AACS: variants seen among roughly 807,000 people sequenced by gnomAD.
The protein encoded by AACS is acetoacetate-CoA ligase.
A neutral mutation model predicts 83.1 loss-of-function variants in AACS; 69 were observed. The ratio of observed to expected loss-of-function variants is 0.83; its 90% CI spans 0.68 to 1.01. The LOEUF (loss-of-function observed/expected upper bound fraction) is 1.01. AACS is among the 50% of genes least tolerant of loss of function. AACS has a pLI of 0.00. For missense variants in AACS, 866 were observed against 882.2 expected, an observed-to-expected ratio of 0.98 and a Z score of 0.23; for synonymous variants, 333 against 343.4, an observed-to-expected ratio of 0.97 and a Z score of 0.33.
At chr12:125,069,948 G>A (rs1343246210) in intron 1 of AACS, among the ~76,000 whole-genome samples, 2 of 152,218 alleles carry the variant, frequency 1.3e-5, no homozygotes, top group South Asian at 2.1e-4. Context: ...GCTGACGGCT[G>A]TAACTTCAGA....
chr12:125,083,445 C>T (rs1205144034), intron 3 of AACS, among the ~76,000 whole-genome samples: 3 of 152,174 alleles, frequency 2.0e-5, no homozygotes, highest in African/African-American at 4.8e-5. Context: ...ATTGTGGAGG[C>T]CGGCTACACA....
intron 8 of AACS, among the ~76,000 whole-genome samples, chr12:125,107,691 TG>T (rs1405965360): frequency 2.0e-5 from 3 of 152,348 alleles, no homozygotes; most frequent in African/African-American, 7.2e-5. Flanking sequence ...CCAGACGCAA[TG>T]GCCCACACCT....
intron 17 of AACS, chr12:125,138,368 T>C (rs940712125): frequency 6.6e-6 from 1 of 152,240 alleles, no homozygotes; most frequent in African/African-American, 2.4e-5. Context: ...TTGGCGGCTC[T>C]CTGTGGGGAC....
Position 125,134,790 on chromosome 12 carries a change from C to T in AACS, c.1620-4C>T. ...TGTGGCCCTGACCTCTTCTCTCTTT[C>T]CAGTGACGGCACCCTCAACCCCAAC... On this transcript the variant is annotated splice_polypyrimidine_tract_variant and splice_region_variant and intron_variant, in intron 15 of 17. Coordinates refer to ENST00000316519, the MANE Select transcript of AACS (RefSeq NM_023928.5). 1.2e-6 allele frequency: 2 copies of T among 1,614,160 alleles called. No homozygotes were observed. The highest frequency in any genetic ancestry group is 1.7e-6 in the Non-Finnish European group (2 of 1,180,012).
chr12:125,118,493 C>A, intron 9 of AACS, 148 bp from the exon 10 acceptor site: 2 of 1,041,766 alleles, frequency 1.9e-6, no homozygotes, highest in Non-Finnish European at 1.4e-6. Context: ...AGTTGCCGGG[C>A]CAGAGTGTCC....
At position 125,124,727 on chromosome 12, in the gene AACS, G is replaced by A. The variant is rs752116179; in HGVS notation, c.1144G>A (p.Ala382Thr). Residue 382 changes from alanine (A) to threonine (T), a missense_variant, in exon 11 of 18, where the codon GCC (alanine) becomes ACC (threonine). Coordinates refer to ENST00000316519, the MANE Select transcript of AACS (RefSeq NM_023928.5). ...TAGCATCACTGTCCTGGTAACTGGGGCCAAGTGGCTGTCAGTGCTGGAAGA... is the reference window on the plus strand; with the variant it reads ...TAGCATCACTGTCCTGGTAACTGGGACCAAGTGGCTGTCAGTGCTGGAAGA... ...RIGITVLVTGAKWLSVLEEKA... is the reference protein window; with the variant it reads ...RIGITVLVTGTKWLSVLEEKA... The A allele has an allele frequency of 5.0e-6, 8 of 1,613,998 alleles. No homozygotes were observed. In the East Asian group the frequency reaches 1.8e-4, roughly 36 times the overall value.
intron 2 of AACS, among the ~76,000 whole-genome samples, chr12:125,076,109 C>A (rs1168456198): frequency 6.6e-6 from 1 of 152,186 alleles, no homozygotes; most frequent in Non-Finnish European, 1.5e-5. Flanking sequence ...CTGAAGCCCC[C>A]AAAAGTTGTA....
At chr12:125,127,896 A>T (rs981260410) in intron 12 of AACS, 2 of 305,936 alleles carry the variant, frequency 6.5e-6, no homozygotes, top group African/African-American at 2.2e-5. Context: ...CAGCATGACC[A>T]CAGGAGGTCA....
At chr12:125,068,844 T>C (rs1340148858) in intron 1 of AACS, among the ~76,000 whole-genome samples, 1 of 9,512 alleles carries the variant, frequency 1.1e-4, no homozygotes, top group East Asian at 4.9e-3. Context: ...GTGAGCATTC[T>C]TTTTTTTTTT....
intron 10 of AACS, chr12:125,122,207 G>A (rs75516614): frequency 6.6e-6 from 1 of 152,376 alleles, no homozygotes; most frequent in African/African-American, 2.4e-5. Flanking sequence ...GGGCTGATGC[G>A]GGGCTGGGGG....
intron 7 of AACS, among the ~76,000 whole-genome samples, chr12:125,104,509 G>A (rs1956790980): frequency 6.6e-6 from 1 of 152,252 alleles, no homozygotes; most frequent in African/African-American, 2.4e-5. Context: ...GAGTGGGAGG[G>A]ACAGGATGTG....
chr12:125,114,829 C>T (rs530403391), intron 9 of AACS, among the ~76,000 whole-genome samples: 2 of 150,434 alleles, frequency 1.3e-5, no homozygotes, highest in Middle Eastern at 3.5e-3. Context: ...AGGGCTTCCC[C>T]GGGCGCCGGC....
At chr12:125,112,089 G>A (rs983841691) in intron 8 of AACS, among the ~76,000 whole-genome samples, 2 of 152,212 alleles carry the variant, frequency 1.3e-5, no homozygotes, top group Non-Finnish European at 2.9e-5. Flanking sequence ...CCTAGAATCC[G>A]AGTTCCCTGT....
At chr12:125,085,121 A>C (rs1363208612) in intron 3 of AACS, among the ~76,000 whole-genome samples, 1 of 152,098 alleles carries the variant, frequency 6.6e-6, no homozygotes, top group Non-Finnish European at 1.5e-5. Flanking sequence ...GGGCAACAGG[A>C]GGGAAGGGTT....
rs1252793019 is a variant in AACS at position 125,117,413 on chromosome 12, CAAA to C, written c.997-1216_997-1214del. Among the ~76,000 whole-genome samples, 5 of 138,076 alleles carry C rather than the reference CAAA, an allele frequency of 3.6e-5. No homozygotes were observed. In the East Asian group the frequency reaches 6.4e-4, roughly 18 times the overall value. 90.6% of individuals were successfully genotyped at this position (138,076 alleles called of 152,430 possible). A position where few individuals can be genotyped will look rare whatever the true frequency, so the allele number is the denominator to read the frequency against. ...TAGGTGACACAGTGAGACTCCGTCTCAAAAAAAAAAAAAATGTTTCTCCATAGA... is the reference window on the plus strand; with the variant it reads ...TAGGTGACACAGTGAGACTCCGTCTCAAAAAAAAAAATGTTTCTCCATAGA... On this transcript the variant is annotated intron_variant, in intron 9 of 17. Transcript: ENST00000316519.
chr12:125,100,954 C>T (rs1040597921), intron 5 of AACS: 2 of 152,272 alleles, frequency 1.3e-5, no homozygotes, highest in African/African-American at 2.4e-5. Flanking sequence ...GCGGTGCTAC[C>T]AGGCAGCCAG....
rs1956006282 is a variant in AACS at position 125,075,725 on chromosome 12, C to T, written c.238-766C>T. Among the ~76,000 whole-genome samples the T allele has an allele frequency of 2.6e-5, 4 of 152,148 alleles. No homozygotes were observed. In the South Asian group the frequency reaches 8.3e-4, roughly 32 times the overall value. ...TCTCCTGCCTCAGCCTCCCCAGCAG[C>T]TGGGACTACAGGCGCACGCTGGCAT... On this transcript the variant is annotated intron_variant, in intron 2 of 17. Coordinates refer to ENST00000316519, the MANE Select transcript of AACS (RefSeq NM_023928.5).
intron 3 of AACS, among the ~76,000 whole-genome samples, chr12:125,085,579 A>T (rs940578285): frequency 6.6e-6 from 1 of 152,252 alleles, no homozygotes; most frequent in Admixed American, 6.5e-5. Context: ...TGCACGTCGC[A>T]TCCACGTCTG....
At chr12:125,093,441 TC>T (rs1956534052) in intron 5 of AACS, among the ~76,000 whole-genome samples, 1 of 152,112 alleles carries the variant, frequency 6.6e-6, no homozygotes, top group South Asian at 2.1e-4. Context: ...TGCACGTCAC[TC>T]CCCGCTGACT....
Sources: gnomAD v4.1 joint callset for allele counts (sites outside exome capture counted in the v4.1 genomes callset) on GRCh38, gnomAD v4.1.1 for gene constraint, MANE v1.5 for transcripts, NCBI Gene and HGNC (gene_info 2026-07-23, HGNC 2026-07-21) for gene names.